The following OPCML variants were observed in gnomAD, a reference collection of about 807,000 sequenced individuals.
The protein encoded by OPCML is opioid binding protein/cell adhesion molecule like.
Under a neutral mutation model 37.8 loss-of-function variants are expected in OPCML, and 13 were observed. That is an observed-to-expected ratio of 0.34 (90% CI 0.22 to 0.55). The LOEUF (loss-of-function observed/expected upper bound fraction) is 0.55. OPCML is among the 20% of genes least tolerant of loss of function. OPCML has a pLI of 0.91. For synonymous variants in OPCML, 176 were observed against 168.8 expected, an observed-to-expected ratio of 1.04 and a Z score of -0.33; for missense variants, 341 against 435.6, an observed-to-expected ratio of 0.78 and a Z score of 1.93.
intron 1 of OPCML, among the ~76,000 whole-genome samples, chr11:133,513,136 C>T (rs1948194217): frequency 6.6e-6 from 1 of 151,884 alleles, no homozygotes; most frequent in South Asian, 2.1e-4. Flanking sequence ...GAGAGATGCA[C>T]CATGCCTCTG....
At chr11:133,526,737 G>C (rs753596177) in intron 1 of OPCML, among the ~76,000 whole-genome samples, 3 of 152,196 alleles carry the variant, frequency 2.0e-5, no homozygotes, top group African/African-American at 4.8e-5. Context: ...GGCAACCAAG[G>C]CTTTGCAGAT....
intron 1 of OPCML, among the ~76,000 whole-genome samples, chr11:133,475,090 G>A (rs1947210508): frequency 1.3e-5 from 2 of 152,224 alleles, no homozygotes; most frequent in South Asian, 4.2e-4. Context: ...TCTATACCCT[G>A]TTGCTGTTAT....
At chr11:133,005,464 T>C in intron 1 of OPCML, 1 of 985,424 alleles carries the variant, frequency 1.0e-6, no homozygotes, top group Middle Eastern at 5.2e-4. Context: ...TCTTAGGTAC[T>C]AGTTTTTCTC....
In OPCML at chr11:133,174,391, G is replaced by A. The variant is rs1950336192; in HGVS notation, c.62-231381C>T. On this transcript the variant is annotated intron_variant, in intron 1 of 7. Transcript: ENST00000524381. The surrounding 1 kb of genome is among the most constrained non-coding windows in gnomAD (Gnocchi z 4.6). ...AGCCCCATTCCCTGTGCCTGGTAGTGAAATAAGGCAGCTAAACCTTACCTC... is the reference window on the plus strand; with the variant it reads ...AGCCCCATTCCCTGTGCCTGGTAGTAAAATAAGGCAGCTAAACCTTACCTC... 6.6e-6 allele frequency among the ~76,000 whole-genome samples: 1 copy of A among 152,108 alleles called. No homozygotes were observed. The highest frequency in any genetic ancestry group is 1.5e-5 in the Non-Finnish European group (1 of 68,018).
intron 2 of OPCML, among the ~76,000 whole-genome samples, chr11:132,699,421 G>T (rs1465322102): frequency 2.6e-5 from 4 of 152,018 alleles, no homozygotes; most frequent in African/African-American, 7.2e-5. Flanking sequence ...TCTTTGTCTT[G>T]TTCCTCTTCT....
intron 2 of OPCML, chr11:132,860,626 A>G (rs1402533511): frequency 5.3e-5 from 8 of 152,148 alleles, no homozygotes; most frequent in African/African-American, 2.4e-5. Flanking sequence ...AAGCCTCTAG[A>G]GGAAAACTAA....
chr11:133,215,712 G>C (rs1592112260), intron 1 of OPCML, among the ~76,000 whole-genome samples: 1 of 152,082 alleles, frequency 6.6e-6, no homozygotes, highest in African/African-American at 2.4e-5. Context: ...CAGAACCCAG[G>C]TCACACTGAC....
At chr11:133,083,679 T>C (rs1183791052) in intron 1 of OPCML, among the ~76,000 whole-genome samples, 1 of 152,258 alleles carries the variant, frequency 6.6e-6, no homozygotes, top group Non-Finnish European at 1.5e-5. Flanking sequence ...TTCTGCAGGA[T>C]ATTCCTTTGG....
At chr11:133,282,860 G>A (rs1289427174) in intron 1 of OPCML, among the ~76,000 whole-genome samples, 1 of 152,188 alleles carries the variant, frequency 6.6e-6, no homozygotes, top group Admixed American at 6.5e-5. Context: ...GGATCTTTAA[G>A]GTGTAATGGC....
At chr11:133,063,145 G>C (rs1179788794) in intron 1 of OPCML, among the ~76,000 whole-genome samples, 1 of 152,204 alleles carries the variant, frequency 6.6e-6, no homozygotes, top group Non-Finnish European at 1.5e-5. Flanking sequence ...TTCCTATTCT[G>C]TCCCTTCCTA....
At chr11:133,048,981 G>C (rs959110185) in intron 1 of OPCML, among the ~76,000 whole-genome samples, 4 of 152,144 alleles carry the variant, frequency 2.6e-5, no homozygotes, top group Non-Finnish European at 5.9e-5. Flanking sequence ...ATTGATTCAA[G>C]ACTAGCAGCT....
intron 1 of OPCML, among the ~76,000 whole-genome samples, chr11:133,109,499 G>A (rs1443972228): frequency 2.0e-5 from 3 of 150,730 alleles, no homozygotes; most frequent in South Asian, 2.1e-4. Context: ...TGACTGGTGC[G>A]TTTTACAGAG....
At chr11:132,832,889 C>T (rs554619074) in intron 2 of OPCML, among the ~76,000 whole-genome samples, 195 of 152,208 alleles carry the variant, frequency 1.3e-3, no homozygotes, top group African/African-American at 4.6e-3. Flanking sequence ...CTTATCTAAA[C>T]ATAGAAAAAT....
chr11:133,367,160 A>T (rs1944559970), intron 1 of OPCML, among the ~76,000 whole-genome samples: 1 of 152,132 alleles, frequency 6.6e-6, no homozygotes, highest in Admixed American at 6.5e-5. Context: ...TTTATTTCTA[A>T]TACAGAGAGG....
Position 132,824,889 on chromosome 11 carries a change from G to T in OPCML, c.146+118037C>A, listed in dbSNP as rs573691311. ...CTTCAGTTTATCCACCTGTCTAAAG[G>T]CCTTGTATGCTCCCTTCTCTGTGTC... On this transcript the variant is annotated intron_variant, in intron 2 of 7. Transcript: ENST00000524381. Among the ~76,000 whole-genome samples the T allele has an allele frequency of 7.2e-5, 11 of 152,080 alleles. No individual in the cohort carries two copies. In the South Asian group the frequency reaches 2.3e-3, roughly 32 times the overall value.
intron 1 of OPCML, among the ~76,000 whole-genome samples, chr11:133,054,569 G>C (rs551980991): frequency 6.6e-6 from 1 of 152,172 alleles, no homozygotes; most frequent in East Asian, 1.9e-4. Flanking sequence ...TGCCTTTACT[G>C]GTTGGGCACA....
chr11:133,363,782 A>G (rs1403482959), intron 1 of OPCML, among the ~76,000 whole-genome samples: 15 of 151,916 alleles, frequency 9.9e-5, no homozygotes, highest in Non-Finnish European at 1.5e-5. Flanking sequence ...CTGTATCCCA[A>G]GCCGAGCAAA....
At chr11:133,094,201 T>A (rs1948962171) in intron 1 of OPCML, among the ~76,000 whole-genome samples, 1 of 152,204 alleles carries the variant, frequency 6.6e-6, no homozygotes, top group Non-Finnish European at 1.5e-5. Context: ...GGTTTGCAGA[T>A]CAAAGTTTCT....
intron 2 of OPCML, among the ~76,000 whole-genome samples, chr11:132,833,553 T>C (rs930859699): frequency 2.3e-4 from 35 of 152,266 alleles, no homozygotes; most frequent in Non-Finnish European, 8.8e-5. Flanking sequence ...GGTGTGGTGA[T>C]GTAAATACAT....
Sources: allele counts gnomAD v4.1 joint callset (sites outside exome capture counted in the v4.1 genomes callset), GRCh38; gene constraint gnomAD v4.1.1; non-coding constraint Gnocchi (gnomAD v3.1); transcripts MANE v1.5; gene names NCBI Gene and HGNC (gene_info 2026-07-23, HGNC 2026-07-21).